The following MAML3 variants were observed in gnomAD, a reference collection of about 807,000 sequenced individuals.
The protein encoded by MAML3 is mastermind like transcriptional coactivator 3.
MAML3 carries 27 observed loss-of-function variants against 101.9 expected under a neutral mutation model. That is an observed-to-expected ratio of 0.27 (90% CI 0.20 to 0.37). MAML3 has a LOEUF of 0.37. Among genes scored for constraint, MAML3 ranks in the 10% least tolerant of loss-of-function variants. The probability of loss-of-function intolerance (pLI) is 1.00; values close to 1 mark genes in which losing one functional copy is unlikely to be tolerated. For missense variants in MAML3, 1,316 were observed against 1,444.9 expected (o/e 0.91, Z 1.45); for synonymous variants, 501 against 555.9 (o/e 0.90, Z 1.39).
intron 2 of MAML3, among the ~76,000 whole-genome samples, chr4:139,877,573 C>T (rs1578642915): frequency 6.6e-6 from 1 of 152,074 alleles, no homozygotes; most frequent in African/African-American, 2.4e-5. Flanking sequence ...CTAAGAAAAA[C>T]AACCACTTTC....
intron 1 of MAML3, among the ~76,000 whole-genome samples, chr4:139,982,815 T>C (rs753967791): frequency 3.3e-5 from 5 of 152,316 alleles, no homozygotes; most frequent in Non-Finnish European, 7.4e-5. Flanking sequence ...ACTTCAATAG[T>C]GAGAAACCTG....
intron 1 of MAML3, among the ~76,000 whole-genome samples, chr4:139,942,335 A>AT (rs1483069242): frequency 1.3e-5 from 2 of 152,294 alleles, no homozygotes; most frequent in East Asian, 3.9e-4. Context: ...TTACAGCGTC[A>AT]TGTCATTAAG....
chr4:140,055,261 C>T (rs1438288575), intron 1 of MAML3, among the ~76,000 whole-genome samples: 2 of 152,104 alleles, frequency 1.3e-5, no homozygotes, highest in Non-Finnish European at 2.9e-5. Context: ...ACTTCTTTGT[C>T]ATTTTTTGAA....
At chr4:139,819,678 T>A (rs1474105125) in intron 2 of MAML3, among the ~76,000 whole-genome samples, 2 of 152,212 alleles carry the variant, frequency 1.3e-5, no homozygotes, top group African/African-American at 4.8e-5. Context: ...CTCAGAGATA[T>A]GATTATGAAA....
At chr4:140,150,972 C>T (rs1268728187) in intron 1 of MAML3, among the ~76,000 whole-genome samples, 1 of 151,050 alleles carries the variant, frequency 6.6e-6, no homozygotes, top group Non-Finnish European at 1.5e-5. Context: ...GGGGCAGGCT[C>T]AGCCGCAGGG....
chr4:140,080,653 T>A (rs1727848160), intron 1 of MAML3, among the ~76,000 whole-genome samples: 1 of 152,218 alleles, frequency 6.6e-6, no homozygotes, highest in African/African-American at 2.4e-5. Flanking sequence ...GCACTCAACA[T>A]GGAGGTAAGA....
chr4:139,906,124 A>C (rs1732818992), intron 1 of MAML3, among the ~76,000 whole-genome samples: 1 of 152,102 alleles, frequency 6.6e-6, no homozygotes, highest in Non-Finnish European at 1.5e-5. Flanking sequence ...GTATTTACTT[A>C]TTTTGAGATG....
intron 2 of MAML3, among the ~76,000 whole-genome samples, chr4:139,836,915 G>T (rs184432470): frequency 1.7e-3 from 253 of 151,948 alleles, no homozygotes; most frequent in South Asian, 9.4e-3. Context: ...CTGAGGTTGG[G>T]AGTTTGAGAC....
At chr4:140,087,887 T>C (rs189518893) in intron 1 of MAML3, among the ~76,000 whole-genome samples, 1 of 152,254 alleles carries the variant, frequency 6.6e-6, no homozygotes, top group East Asian at 1.9e-4. Flanking sequence ...ATTCTCTACT[T>C]CAGGAAAATG....
At chr4:139,970,327 T>G (rs932618167) in intron 1 of MAML3, among the ~76,000 whole-genome samples, 1 of 152,002 alleles carries the variant, frequency 6.6e-6, no homozygotes, top group African/African-American at 2.4e-5. Context: ...AAGCTGGAAG[T>G]AGGAAATGCT....
intron 1 of MAML3, among the ~76,000 whole-genome samples, chr4:140,092,539 G>T (rs1728078207): frequency 6.6e-6 from 1 of 152,100 alleles, no homozygotes; most frequent in African/African-American, 2.4e-5. Context: ...CTGCAGAGCA[G>T]TAATTGTCAC....
chr4:139,973,619 G>A (rs571222563), intron 1 of MAML3, among the ~76,000 whole-genome samples: 37 of 152,142 alleles, frequency 2.4e-4, no homozygotes, highest in African/African-American at 8.4e-4. Context: ...GATATTTCTT[G>A]GTCAAAGGAT....
At chr4:139,945,160 T>G (rs531243236) in intron 1 of MAML3, among the ~76,000 whole-genome samples, 1 of 152,300 alleles carries the variant, frequency 6.6e-6, no homozygotes, top group South Asian at 2.1e-4. Context: ...CTCCCAGCCT[T>G]CCTTTTCTCC....
intron 1 of MAML3, among the ~76,000 whole-genome samples, chr4:140,078,838 T>C (rs562350103): frequency 1.6e-4 from 25 of 152,024 alleles, no homozygotes; most frequent in Admixed American, 4.6e-4. Flanking sequence ...GGGCCCACCA[T>C]GAGGGCTGGA....
chr4:139,982,933 T>A (rs1734472901), intron 1 of MAML3, among the ~76,000 whole-genome samples: 1 of 152,250 alleles, frequency 6.6e-6, no homozygotes, highest in Non-Finnish European at 1.5e-5. Context: ...CAGAGTACAA[T>A]GCTTAAATAC....
At chr4:140,063,305 G>A (rs1456331197) in intron 1 of MAML3, among the ~76,000 whole-genome samples, 3 of 152,212 alleles carry the variant, frequency 2.0e-5, no homozygotes, top group Non-Finnish European at 4.4e-5. Context: ...CACAGAGAGA[G>A]AAAATGAATC....
intron 1 of MAML3, among the ~76,000 whole-genome samples, chr4:140,080,510 C>T (rs1252367679): frequency 1.3e-5 from 2 of 152,168 alleles, no homozygotes; most frequent in Middle Eastern, 3.2e-3. Flanking sequence ...TCTAGTAGTA[C>T]ATTTTTATTG....
chr4:139,965,116 C>G (rs150388413), intron 1 of MAML3, among the ~76,000 whole-genome samples: 1 of 151,740 alleles, frequency 6.6e-6, no homozygotes, highest in East Asian at 1.9e-4. Flanking sequence ...TCCAAGACAG[C>G]TTGTCTCTTA....
chr4:140,008,954 A>T (rs1349391090), intron 1 of MAML3, among the ~76,000 whole-genome samples: 2 of 152,212 alleles, frequency 1.3e-5, no homozygotes, highest in Middle Eastern at 3.2e-3. Flanking sequence ...TAATTTGCAT[A>T]TTTGGCTTAA....
Sources: gnomAD v4.1 joint callset for allele counts (sites outside exome capture counted in the v4.1 genomes callset) on GRCh38, gnomAD v4.1.1 for gene constraint, MANE v1.5 for transcripts, NCBI Gene and HGNC (gene_info 2026-07-23, HGNC 2026-07-21) for gene names.